The following GNL3L variants were observed in gnomAD, a reference collection of about 807,000 sequenced individuals.
GNL3L encodes guanine nucleotide-binding protein-like 3-like protein.
A neutral mutation model predicts 42.9 loss-of-function variants in GNL3L; 4 were observed. The observed-to-expected ratio is 0.09, with a 90% CI of 0.05 to 0.21. GNL3L has a LOEUF of 0.21. Among genes scored for constraint, GNL3L ranks in the 10% least tolerant of loss-of-function variants. The pLI is 1.00. For synonymous variants in GNL3L, 159 were observed against 176.3 expected (o/e 0.90, Z 0.78); for missense variants, 412 against 481.7 (o/e 0.86, Z 1.36).
rs1248737693 is a variant in GNL3L at position 54,563,758 on chromosome X, C to T, written c.*3156C>T. On this transcript the variant is annotated 3_prime_UTR_variant, in exon 16 of 16. Transcript: ENST00000360845. ...CCGAGATTGTGCCACTGCTCTCCAG[C>T]GTGGGCAACAGAGTGAGACTGTCTC... Among the ~76,000 whole-genome samples, 14 of 109,637 alleles carry T rather than the reference C, an allele frequency of 1.3e-4. No homozygotes were observed. The East Asian group carries it at 3.7e-3, about 29-fold the overall frequency.
intron 16 of GNL3L, among the ~76,000 whole-genome samples, chrX:54,611,929 G>A (rs1337625341): frequency 8.9e-6 from 1 of 112,174 alleles, no homozygotes; most frequent in Non-Finnish European, 1.9e-5. Flanking sequence ...GTATATATCT[G>A]TTAAGTCAAT....
At chrX:54,555,214 A>T (rs1403065931) in intron 14 of GNL3L, among the ~76,000 whole-genome samples, 5 of 109,047 alleles carry the variant, frequency 4.6e-5, no homozygotes, top group Non-Finnish European at 9.5e-5. Context: ...GGGTTTTGCT[A>T]TGTTGGCCAG....
At chrX:54,553,728 A>G (rs1925009909) in intron 13 of GNL3L, among the ~76,000 whole-genome samples, 2 of 110,371 alleles carry the variant, frequency 1.8e-5, no homozygotes, top group South Asian at 7.7e-4. Context: ...TTTAGTAGAG[A>G]TGGGGTTTTG....
rs754542389 is a variant in GNL3L at position 54,544,076 on chromosome X, C to T, written c.527-147C>T. On this transcript the variant is annotated intron_variant, in intron 7 of 15. Coordinates refer to ENST00000360845, the MANE Select transcript of GNL3L (RefSeq NM_001184819.2). ...GACTATCCTTTCTAACTCCAACCTG[C>T]GGACTGGATGGGAATGACAGGGCCA... The T allele has an allele frequency of 8.4e-4, 366 of 434,995 alleles. 1 individual carries two copies. Among genetic ancestry groups the T allele is most frequent in the African/African-American group, 7.0e-3 (278 of 39,550 alleles). The allele number at this position is 434,995 out of a possible 1,213,427, so 35.8% of individuals were successfully genotyped here.
At chrX:54,533,590 T>C (rs1344667857) in intron 2 of GNL3L, among the ~76,000 whole-genome samples, 1 of 110,525 alleles carries the variant, frequency 9.0e-6, no homozygotes, top group Non-Finnish European at 1.9e-5. Context: ...CAAATAATCA[T>C]ACTTTTATTT....
intron 16 of GNL3L, among the ~76,000 whole-genome samples, chrX:54,590,300 A>G (rs1187173276): frequency 8.9e-6 from 1 of 112,323 alleles, no homozygotes; most frequent in African/African-American, 3.2e-5. Flanking sequence ...TATTTCTCTG[A>G]TGATGAATGA....
At chrX:54,614,891 A>G (rs773848414) in intron 16 of GNL3L, among the ~76,000 whole-genome samples, 2 of 111,081 alleles carry the variant, frequency 1.8e-5, no homozygotes, top group East Asian at 5.7e-4. Context: ...GCTTCCACCA[A>G]CTGCTCTGTC....
Position 54,579,036 on chromosome X carries a change from TA to T in GNL3L, c.*45+18392del, listed in dbSNP as rs1054152801. On this transcript the variant is annotated intron_variant, in intron 16 of 16. Transcript: ENST00000674498. The stretch of plus-strand genomic sequence containing the variant: ...CATAATCTGTAAACAAGGATTTGTT[TA>T]AATATTTGGCTTGTTTTTAAAAAGT... Among the ~76,000 whole-genome samples, 4 of 112,387 alleles carry T rather than the reference TA, an allele frequency of 3.6e-5. No homozygotes were observed. The Admixed American group carries it at 3.8e-4, about 11-fold the overall frequency.
chrX:54,624,422 T>TTTTTTTTTTCTTTTTC, downstream of GNL3L, among the ~76,000 whole-genome samples: 1 of 82,005 alleles, frequency 1.2e-5, no homozygotes, highest in Admixed American at 1.2e-4. Context: ...GAATGATTTC[T>TTTTTTTTTTCTTTTTC]TTTTTTTTTC....
chrX:54,583,913 GATTATAGGC>G (rs1925747918), intron 16 of GNL3L, among the ~76,000 whole-genome samples: 1 of 110,897 alleles, frequency 9.0e-6, no homozygotes, highest in Non-Finnish European at 1.9e-5. Flanking sequence ...AAAGTGCTAG[GATTATAGGC>G]GTGAGCCACT....
At chrX:54,607,138 T>TTTCTTTCTTTCTTTCTTTCTTTC in intron 16 of GNL3L, among the ~76,000 whole-genome samples, 1 of 86,821 alleles carries the variant, frequency 1.2e-5, no homozygotes, top group Non-Finnish European at 2.1e-5. Context: ...TCTTTCTTTC[T>TTTCTTTCTTTCTTTCTTTCTTTC]TTGTCTCTCT....
At chrX:54,543,985 A>C (rs1924698369) in intron 7 of GNL3L, 6 of 314,559 alleles carry the variant, frequency 1.9e-5, no homozygotes, top group Non-Finnish European at 3.3e-5. Flanking sequence ...CCAGATAGCT[A>C]GTTTGTCCAT....
At chrX:54,544,652 T>A (rs1052144564) in intron 8 of GNL3L, among the ~76,000 whole-genome samples, 39 of 109,704 alleles carry the variant, frequency 3.6e-4, no homozygotes, top group Admixed American at 2.1e-3. Context: ...GTAATTTTTT[T>A]ATTTTTAGTA....
intron 16 of GNL3L, among the ~76,000 whole-genome samples, chrX:54,609,342 CTTTAG>C (rs1926136664): frequency 8.9e-6 from 1 of 112,524 alleles, no homozygotes; most frequent in Non-Finnish European, 1.9e-5. Flanking sequence ...TTGCAAAGCT[CTTTAG>C]TTTAATTAGG....
At position 54,575,886 on chromosome X, in the gene GNL3L, G is replaced by A. The variant is rs894069362; in HGVS notation, c.*45+15239G>A. Among the ~76,000 whole-genome samples the A allele has an allele frequency of 4.5e-5, 5 of 112,186 alleles. No individual in the cohort carries two copies. In the East Asian group the frequency reaches 1.1e-3, roughly 25 times the overall value. ...GATCGCACCATTGCACTCCAGCCTG[G>A]GCAACAAGAGTGAAGCTCCATCTCA... On this transcript the variant is annotated intron_variant, in intron 16 of 16. Transcript: ENST00000674498.
intron 14 of GNL3L, among the ~76,000 whole-genome samples, chrX:54,556,324 A>G (rs1925094159): frequency 9.0e-6 from 1 of 111,093 alleles, no homozygotes; most frequent in African/African-American, 3.3e-5. Flanking sequence ...CACAGGAGGA[A>G]CTACCAAACA....
At chrX:54,607,082 C>CTTTCTTTCT (rs1557200532) in intron 16 of GNL3L, among the ~76,000 whole-genome samples, 266 of 21,953 alleles carry the variant, frequency 0.012, 26 homozygotes, top group African/African-American at 0.029. Flanking sequence ...CTCTTTCTTT[C>CTTTCTTTCT]TTCTTTCTTT....
At chrX:54,579,715 G>T (rs1925681077) in intron 16 of GNL3L, among the ~76,000 whole-genome samples, 1 of 111,278 alleles carries the variant, frequency 9.0e-6, no homozygotes, top group Admixed American at 9.5e-5. Context: ...TGAGGTTTAG[G>T]TTAAAGATTT....
intron 5 of GNL3L, 88 bp from the exon 6 acceptor site, chrX:54,542,867 A>G (rs1924665014): frequency 1.9e-6 from 1 of 519,287 alleles, no homozygotes; most frequent in East Asian, 3.6e-5. Context: ...TGATTTTTTA[A>G]GCCTCCTATA....
Sources: allele counts gnomAD v4.1 joint callset (sites outside exome capture counted in the v4.1 genomes callset), GRCh38; gene constraint gnomAD v4.1.1; transcripts MANE v1.5; gene names NCBI Gene and HGNC (gene_info 2026-07-23, HGNC 2026-07-21).